Variants in PSME4 observed in about 807,000 individuals in gnomAD.
PSME4 encodes the protein proteasome activator complex subunit 4.
Under a neutral mutation model 253.9 loss-of-function variants are expected in PSME4, and 89 were observed. That is an observed-to-expected ratio of 0.35 (90% CI 0.30 to 0.42). The LOEUF (loss-of-function observed/expected upper bound fraction) is 0.42. Ranked by LOEUF, PSME4 falls within the 10% of genes least tolerant of loss-of-function variation. The pLI is 1.00. For synonymous variants in PSME4, 851 were observed against 759.2 expected (o/e 1.12, Z -1.99); for missense variants, 2,014 against 2,195.2 (o/e 0.92, Z 1.65).
chr2:53,878,115 G>A (rs922314124), intron 41 of PSME4, among the ~76,000 whole-genome samples: 12 of 152,156 alleles, frequency 7.9e-5, no homozygotes, highest in African/African-American at 2.2e-4. Context: ...GACCCCAAAC[G>A]GAGGGACCGG....
intron 19 of PSME4, 134 bp from the exon 20 acceptor site, chr2:53,919,380 C>A: frequency 8.2e-7 from 1 of 1,214,868 alleles, no homozygotes; most frequent in Non-Finnish European, 1.1e-6. Flanking sequence ...CTTCAGTTTA[C>A]CAACTTAACA....
intron 6 of PSME4, 147 bp downstream of exon 6, chr2:53,936,614 GATC>G: frequency 1.8e-6 from 1 of 545,562 alleles, no homozygotes; most frequent in Non-Finnish European, 3.1e-6. Flanking sequence ...AAAAGAAACT[GATC>G]ATAACATGGC....
rs745656291 is a variant in PSME4, at chr2:53,887,987, C to T, written c.4391G>A (p.Arg1464Gln). ...AAGGCCACCTTGTAGTACATAAAGTCGACTAAAATTAAAGCATCGTAGTGT... is the reference window on the plus strand; with the variant it reads ...AAGGCCACCTTGTAGTACATAAAGTTGACTAAAATTAAAGCATCGTAGTGT... ...GEGGSFVDACRLYVLQGGLAQ... is the reference protein window; with the variant it reads ...GEGGSFVDACQLYVLQGGLAQ... The change falls in exon 39 of 47, where the codon CGA (arginine) becomes CAA (glutamine). Residue 1464 changes from arginine to glutamine, a missense_variant and splice_region_variant. Arg to Gln is a conservative substitution (Grantham distance 43, BLOSUM62 1). Transcript: ENST00000404125. 1 of 1,608,482 alleles carries T rather than the reference C, an allele frequency of 6.2e-7. No individual in the cohort carries two copies. Among genetic ancestry groups the T allele is most frequent in the South Asian group, 1.1e-5 (1 of 89,952 alleles).
chr2:53,918,934 C>A (rs993130731), intron 20 of PSME4, among the ~76,000 whole-genome samples: 4 of 151,936 alleles, frequency 2.6e-5, no homozygotes, highest in African/African-American at 7.3e-5. Context: ...AAATTAATAC[C>A]TAAAGTTATT....
Position 53,887,838 on chromosome 2 carries a change from A to G in PSME4, c.4520+20T>C. On this transcript the variant is annotated intron_variant, in intron 39 of 46. Coordinates refer to ENST00000404125, the MANE Select transcript of PSME4 (RefSeq NM_014614.3). ...AAACAAAGAACTCGAGAGGTACACC[A>G]CAGAGAAAACAGTACCTACCTTCCT... The G allele has an allele frequency of 6.4e-7, 1 of 1,569,924 alleles. No individual in the cohort carries two copies. The highest frequency in any genetic ancestry group is 8.7e-7 in the Non-Finnish European group (1 of 1,145,868).
chr2:53,921,270 G>T (rs809280), intron 17 of PSME4, among the ~76,000 whole-genome samples, 166 bp from the exon 18 acceptor site: 1 of 151,750 alleles, frequency 6.6e-6, no homozygotes. Flanking sequence ...ATTGTTTTTT[G>T]AAATCAAACA....
chr2:53,908,550 T>A lies in PSME4; in HGVS notation c.2645A>T (p.Asn882Ile). Residue 882 changes from asparagine to isoleucine, a missense_variant, in exon 23 of 47, where the codon AAT (asparagine) becomes ATT (isoleucine). Asn to Ile is a moderately radical substitution (Grantham distance 149). Transcript: ENST00000404125. The stretch of plus-strand genomic sequence containing the variant: ...CAATGACTTAGTATCATCTTCTGAA[T>A]TATCAAGTATGTGGTCTATAATGGA... ...IRKLLNHILD[N>I]SEDDTKSLFL... 1 of 1,607,542 alleles carries A rather than the reference T, an allele frequency of 6.2e-7. No homozygotes were observed. The highest frequency in any genetic ancestry group is 8.5e-7 in the Non-Finnish European group (1 of 1,177,064).
intron 4 of PSME4, among the ~76,000 whole-genome samples, chr2:53,938,196 G>C (rs1669210590): frequency 6.6e-6 from 1 of 152,088 alleles, no homozygotes; most frequent in Admixed American, 6.5e-5. Context: ...AAAGAATCCA[G>C]TCTAAACAGG....
intron 28 of PSME4, 114 bp from the exon 29 acceptor site, chr2:53,900,131 T>G: frequency 1.0e-6 from 1 of 957,872 alleles, no homozygotes; most frequent in Non-Finnish European, 1.5e-6. Flanking sequence ...GTCCACATAT[T>G]TTACGATTCC....
At chr2:53,867,943 G>A (rs1284582548) in intron 44 of PSME4, among the ~76,000 whole-genome samples, 1 of 151,898 alleles carries the variant, frequency 6.6e-6, no homozygotes, top group Non-Finnish European at 1.5e-5. Context: ...AGTAGTGTAA[G>A]TTAGTTCTGT....
chr2:53,916,540 C>T (rs965947852), intron 20 of PSME4, among the ~76,000 whole-genome samples: 4 of 152,182 alleles, frequency 2.6e-5, no homozygotes, highest in African/African-American at 9.7e-5. Context: ...ATAAATCATG[C>T]TACAGATATT....
chr2:53,954,112 G>A (rs568761127), intron 1 of PSME4, among the ~76,000 whole-genome samples: 7 of 150,788 alleles, frequency 4.6e-5, no homozygotes, highest in African/African-American at 1.5e-4. Flanking sequence ...GGCAGATCAC[G>A]AGGTCAGGAG....
At chr2:53,970,331 T>C (rs1671002663) in intron 1 of PSME4, among the ~76,000 whole-genome samples, 1 of 152,076 alleles carries the variant, frequency 6.6e-6, no homozygotes, top group Non-Finnish European at 1.5e-5. Flanking sequence ...CGTAGAGGGA[T>C]GGTAAAGACC....
chr2:53,886,995 G>A (rs535158159), intron 40 of PSME4, among the ~76,000 whole-genome samples: 1 of 152,258 alleles, frequency 6.6e-6, no homozygotes, highest in East Asian at 1.9e-4. Context: ...AAAGGATGAG[G>A]GGAGGGAAAA....
At chr2:53,889,311 T>C (rs1255071903) in intron 37 of PSME4, among the ~76,000 whole-genome samples, 2 of 152,192 alleles carry the variant, frequency 1.3e-5, no homozygotes, top group Non-Finnish European at 2.9e-5. Context: ...TATTTACATA[T>C]AACCTATGCA....
chr2:53,903,046 G>A (rs1680485955), intron 27 of PSME4, among the ~76,000 whole-genome samples: 1 of 152,094 alleles, frequency 6.6e-6, no homozygotes, highest in Non-Finnish European at 1.5e-5. Context: ...CCTCTCCAGG[G>A]TCACTCAGCT....
At chr2:53,937,907 C>G (rs1340603547) in intron 4 of PSME4, among the ~76,000 whole-genome samples, 1 of 151,538 alleles carries the variant, frequency 6.6e-6, no homozygotes, top group East Asian at 1.9e-4. Context: ...GTTGGGGGAT[C>G]ATTAGAGCCC....
intron 43 of PSME4, 113 bp downstream of exon 43, chr2:53,874,226 T>C: frequency 9.3e-7 from 1 of 1,073,620 alleles, no homozygotes; most frequent in Non-Finnish European, 1.3e-6. Flanking sequence ...TCTCAAAGAG[T>C]TGAGGTTATA....
intron 4 of PSME4, among the ~76,000 whole-genome samples, chr2:53,938,445 T>C (rs1669228069): frequency 6.6e-6 from 1 of 150,940 alleles, no homozygotes; most frequent in Non-Finnish European, 1.5e-5. Flanking sequence ...AGAGGATACA[T>C]GTAAAACTGC....
Sources: gnomAD v4.1 joint callset for allele counts (sites outside exome capture counted in the v4.1 genomes callset) on GRCh38, gnomAD v4.1.1 for gene constraint, MANE v1.5 for transcripts, NCBI Gene and HGNC (gene_info 2026-07-23, HGNC 2026-07-21) for gene names.